Variants in EHMT2 observed in about 807,000 individuals in gnomAD.
EHMT2 encodes histone-lysine N-methyltransferase EHMT2.
Under a neutral mutation model 143.3 loss-of-function variants are expected in EHMT2, and 59 were observed. That is an observed-to-expected ratio of 0.41 (90% CI 0.33 to 0.51). The LOEUF (loss-of-function observed/expected upper bound fraction) is 0.51. Ranked by LOEUF, EHMT2 falls within the 20% of genes least tolerant of loss-of-function variation. The pLI is 0.18. For missense variants in EHMT2, 1,174 were observed against 1,645.9 expected, an observed-to-expected ratio of 0.71 and a Z score of 4.96; for synonymous variants, 604 against 651.5, an observed-to-expected ratio of 0.93 and a Z score of 1.11.
chr6:31,883,561 T>C lies in EHMT2; in HGVS notation c.2917-122A>G. Reference sequence around the variant, plus strand: ...GGGGTCCATGTGTTACAACAGTGGGTGGTGATGGTCCTAGGGTGACGGGTA... The same window carrying C: ...GGGGTCCATGTGTTACAACAGTGGGCGGTGATGGTCCTAGGGTGACGGGTA... On this transcript the variant is annotated intron_variant, in intron 22 of 27. Transcript: ENST00000375537. This position sits in a 1 kb window ranked among gnomAD's most constrained non-coding sequence, Gnocchi z 5.6. The C allele has an allele frequency of 9.0e-7, 1 of 1,116,928 alleles. No individual in the cohort carries two copies. The allele number at this position is 1,116,928 out of a possible 1,614,324, so 69.2% of individuals were successfully genotyped here.
exon 1 of EHMT2, chr6:31,897,655 G>A: frequency 8.6e-7 from 1 of 1,167,636 alleles, no homozygotes; most frequent in Non-Finnish European, 1.1e-6. Flanking sequence ...CGCCGCCGCT[G>A]CAGCTCCCGC....
At position 31,887,976 on chromosome 6, in the gene EHMT2, G is replaced by A; in HGVS notation, c.1746-15C>T. 1 of 1,581,530 alleles carries A rather than the reference G, an allele frequency of 6.3e-7. No individual in the cohort carries two copies. The highest frequency in any genetic ancestry group is 1.1e-5 in the South Asian group (1 of 87,360). On this transcript the variant is annotated splice_polypyrimidine_tract_variant and intron_variant, in intron 13 of 27. Transcript: ENST00000375537. ...GCATCCGGGCACTGTGGAAGAAGGA[G>A]CTCATGTCCAGGAGCAATAGGGGTG... is the stretch of plus-strand genomic sequence containing the variant.
In EHMT2 at chr6:31,889,645, A is replaced by C; in HGVS notation, c.865-43T>G. 1 of 1,603,994 alleles carries C rather than the reference A, an allele frequency of 6.2e-7. No individual in the cohort carries two copies. Among genetic ancestry groups the C allele is most frequent in the Non-Finnish European group, 8.5e-7 (1 of 1,179,776 alleles). On this transcript the variant is annotated intron_variant, in intron 7 of 27. Transcript: ENST00000375537. The surrounding 1 kb of genome is among the most constrained non-coding windows in gnomAD (Gnocchi z 5.1). ...CAGACATATCCAACCCCCAGGACTC[A>C]GACAATGAGGTGAGTAAAGAAAACC...
Position 31,880,126 on chromosome 6 carries a change from C to T in EHMT2, c.3591G>A (p.Glu1197=). 6.2e-7 allele frequency: 1 copy of T among 1,612,954 alleles called. No individual in the cohort carries two copies. Among genetic ancestry groups the T allele is most frequent in the South Asian group, 1.1e-5 (1 of 91,084 alleles). The change falls in exon 28 of 28, where the codon GAG becomes GAA. Residue 1197 remains glutamate, a synonymous_variant. Coordinates refer to ENST00000375537, the Ensembl canonical transcript of EHMT2. This position sits in a 1 kb window ranked among gnomAD's most constrained non-coding sequence, Gnocchi z 6.6. ...GCAGGGAGCCGAGCTCGGGCAGCAGCTCAGGGTGTGGGTCCAGGCGGGCCA... is the reference window on the plus strand; with the variant it reads ...GCAGGGAGCCGAGCTCGGGCAGCAGTTCAGGGTGTGGGTCCAGGCGGGCCA...
chr6:31,893,847 G>A (rs1333426862), intron 4 of EHMT2, among the ~76,000 whole-genome samples: 1 of 152,204 alleles, frequency 6.6e-6, no homozygotes, highest in African/African-American at 2.4e-5. Context: ...CTAGGGGGTG[G>A]AGGGAATGGA....
chr6:31,892,364 C>G (rs1765800911), intron 7 of EHMT2, 43 bp downstream of exon 7: 2 of 1,602,362 alleles, frequency 1.2e-6, no homozygotes, highest in Non-Finnish European at 1.7e-6. Context: ...AGCCCCAGCC[C>G]TGGGGGAGCA....
Position 31,888,095 on chromosome 6 carries a change from G to A in EHMT2, c.1691C>T (p.Ala564Val), listed in dbSNP as rs367631364. 1 of 1,609,654 alleles carries A rather than the reference G, an allele frequency of 6.2e-7. No homozygotes were observed. Among genetic ancestry groups the A allele is most frequent in the South Asian group, 1.1e-5 (1 of 90,730 alleles). ...GACATCCTGGGACAGGGGTGGGGGT[G>A]CAGGAGCTGCAGTGCCGGCCGGTGG... The change falls in exon 13 of 28, where the codon GCA becomes GTA. Residue 564 changes from alanine (A) to valine (V), a missense_variant. Physicochemically the swap from Ala to Val is moderately conservative, Grantham distance 64 (BLOSUM62 0). Transcript: ENST00000375537. This position sits in a 1 kb window ranked among gnomAD's most constrained non-coding sequence, Gnocchi z 7.4.
intron 4 of EHMT2, chr6:31,896,035 T>C: frequency 9.7e-6 from 5 of 513,140 alleles, no homozygotes; most frequent in African/African-American, 1.9e-5. Context: ...ACATTAACTA[T>C]ATAATTGACT....
chr6:31,889,041 T>C lies in EHMT2; in HGVS notation c.1144A>G (p.Ser382Gly). 2 of 1,604,608 alleles carry C rather than the reference T, an allele frequency of 1.2e-6. No homozygotes were observed. Among genetic ancestry groups the C allele is most frequent in the Non-Finnish European group, 8.5e-7 (1 of 1,176,908 alleles). The change falls in exon 10 of 28, where the codon AGT (serine) becomes GGT (glycine). Residue 382 changes from serine to glycine, a missense_variant. This residue lies in a region of EHMT2 where 608 missense variants were observed against 903.7 expected (regional missense o/e 0.67). Coordinates refer to ENST00000375537, the Ensembl canonical transcript of EHMT2. This position sits in a 1 kb window ranked among gnomAD's most constrained non-coding sequence, Gnocchi z 5.1. ...CCCAGAGGGACCTCCATGTACTCAC[T>C]GGGGCCTGAGGAGCCCACACCATTC...
chr6:31,895,184 G>C (rs1169446763), intron 4 of EHMT2, among the ~76,000 whole-genome samples: 1 of 152,196 alleles, frequency 6.6e-6, no homozygotes, highest in Admixed American at 6.5e-5. Context: ...GCCCATGCCT[G>C]GAGGCAACTG....
chr6:31,897,535 G>GC (rs1554268082), intron 1 of EHMT2, 101 bp downstream of exon 1: 9 of 972,032 alleles, frequency 9.3e-6, no homozygotes, highest in East Asian at 5.2e-5. Context: ...TCCCGCCCGG[G>GC]CCCCCCGGCC....
exon 2 of EHMT2, chr6:31,896,982 G>C: frequency 6.4e-7 from 1 of 1,569,232 alleles, no homozygotes; most frequent in Non-Finnish European, 8.6e-7. Flanking sequence ...CTCAGCGGGG[G>C]CCTCCCCCTG....
exon 1 of EHMT2, chr6:31,897,664 G>T: frequency 8.9e-7 from 1 of 1,128,478 alleles, no homozygotes; most frequent in Non-Finnish European, 1.1e-6. Flanking sequence ...TGCAGCTCCC[G>T]CCGCCGCCGC....
chr6:31,895,869 T>C, intron 4 of EHMT2: 1 of 185,532 alleles, frequency 5.4e-6, no homozygotes, highest in Admixed American at 6.0e-5. Context: ...TCCTCTATTA[T>C]TTCTGTGGCC....
Position 31,880,869 on chromosome 6 carries a change from T to A in EHMT2, c.3277-21A>T. On this transcript the variant is annotated intron_variant, in intron 26 of 27. Coordinates refer to ENST00000375537, the Ensembl canonical transcript of EHMT2. This position sits in a 1 kb window ranked among gnomAD's most constrained non-coding sequence, Gnocchi z 6.6. Reference sequence around the variant, plus strand: ...CCATCCTGGGGCAGGGGGATGGCACTCTTCACATCTCCCCCGACCCTGCTT... The same window carrying A: ...CCATCCTGGGGCAGGGGGATGGCACACTTCACATCTCCCCCGACCCTGCTT... 1 of 1,612,544 alleles carries A rather than the reference T, an allele frequency of 6.2e-7. No individual in the cohort carries two copies. Among genetic ancestry groups the A allele is most frequent in the Non-Finnish European group, 8.5e-7 (1 of 1,179,362 alleles).
chr6:31,882,014 A>T (rs997246047), intron 25 of EHMT2, among the ~76,000 whole-genome samples: 1 of 151,888 alleles, frequency 6.6e-6, no homozygotes, highest in Non-Finnish European at 1.5e-5. Context: ...CTGAGGCAGG[A>T]GAATCGCTTG....
chr6:31,887,903 T>C (rs1765095097), exon 14 of EHMT2: 3 of 1,609,124 alleles, frequency 1.9e-6, no homozygotes. Flanking sequence ...CTGTCAATGG[T>C]GTCAGCCAGG....
Position 31,889,534 on chromosome 6 carries a change from T to C in EHMT2, c.933A>G (p.Glu311=), listed in dbSNP as rs138941874. Residue 311 remains glutamate, a synonymous_variant, in exon 8 of 28, where the codon GAA becomes GAG. Transcript: ENST00000375537. This position sits in a 1 kb window ranked among gnomAD's most constrained non-coding sequence, Gnocchi z 5.1. ...CTTCCTCTTCCTCCTCCTCTTCCTC[T>C]TCTTCTTCTTCCTCCTCTTCCTCCT... 83 of 1,607,572 alleles carry C rather than the reference T, an allele frequency of 5.2e-5. No individual in the cohort carries two copies. In the African/African-American group the frequency reaches 9.0e-4, roughly 17 times the overall value.
Position 31,884,132 on chromosome 6 carries a change from A to G in EHMT2, c.2772-182T>C. On this transcript the variant is annotated intron_variant, in intron 21 of 27. Coordinates refer to ENST00000375537, the Ensembl canonical transcript of EHMT2. The surrounding 1 kb of genome is among the most constrained non-coding windows in gnomAD (Gnocchi z 7.3). ...GATAAACAAGAAATAGCTTTTTAGT[A>G]TGTCCCAAAAATTACACAGGACATT... 2 of 752,364 alleles carry G rather than the reference A, an allele frequency of 2.7e-6. No homozygotes were observed. Among genetic ancestry groups the G allele is most frequent in the Non-Finnish European group, 2.1e-6 (1 of 479,728 alleles). 46.6% of individuals were successfully genotyped at this position (752,364 alleles called of 1,614,324 possible). A position where few individuals can be genotyped will look rare whatever the true frequency, so the allele number is the denominator to read the frequency against.
Sources: gnomAD v4.1 joint callset for allele counts (sites outside exome capture counted in the v4.1 genomes callset) on GRCh38, gnomAD v4.1.1 for gene constraint, gnomAD v4.1.1 regional missense constraint, Gnocchi (gnomAD v3.1) non-coding constraint, MANE v1.5 for transcripts, NCBI Gene and HGNC (gene_info 2026-07-23, HGNC 2026-07-21) for gene names.